The following PRDM8 variants were observed in gnomAD, a reference collection of about 807,000 sequenced individuals.
The protein encoded by PRDM8 is PR/SET domain 8, also known as PR domain zinc finger protein 8.
A neutral mutation model predicts 46.5 loss-of-function variants in PRDM8; 13 were observed. That is an observed-to-expected ratio of 0.28 (90% CI 0.18 to 0.44). The LOEUF is 0.44. Among genes scored for constraint, PRDM8 ranks in the 20% least tolerant of loss-of-function variants. The pLI is 1.00. For missense variants in PRDM8, 998 were observed against 955.0 expected, an observed-to-expected ratio of 1.04 and a Z score of -0.59; for synonymous variants, 473 against 438.4, an observed-to-expected ratio of 1.08 and a Z score of -0.98.
upstream of PRDM8, among the ~76,000 whole-genome samples, chr4:80,193,764 C>A (rs1737726642): frequency 6.6e-6 from 1 of 152,176 alleles, no homozygotes; most frequent in South Asian, 2.1e-4. Context: ...GCTCCATTGG[C>A]ATCCTCTTAT....
chr4:80,192,186 C>T (rs181505561), intron 2 of PRDM8, among the ~76,000 whole-genome samples: 7 of 152,192 alleles, frequency 4.6e-5, no homozygotes, highest in East Asian at 1.9e-4. Context: ...CCCAGCAGCC[C>T]GAATTCTTAC....
Position 80,203,135 on chromosome 4 carries a change from G to A in PRDM8, c.1673G>A (p.Gly558Asp). 6.4e-7 allele frequency: 1 copy of A among 1,560,244 alleles called. No individual in the cohort carries two copies. The highest frequency in any genetic ancestry group is 8.6e-7 in the Non-Finnish European group (1 of 1,160,980). The change falls in exon 4 of 4, where the codon GGT (glycine) becomes GAT (aspartate). Residue 558 changes from glycine to aspartate, a missense_variant. By Grantham distance (94) the Gly-to-Asp change is moderately conservative. Coordinates refer to ENST00000415738, the MANE Select transcript of PRDM8 (RefSeq NM_001099403.2). ...KLQGAADLNG[G>D]CGSLPSGGGG... ...CAGGGGGCCGCGGACCTGAACGGAG[G>A]TTGCGGGTCCCTGCCGAGCGGCGGC...
chr4:80,187,332 T>C (rs2109861297), intron 1 of PRDM8, among the ~76,000 whole-genome samples: 1 of 151,538 alleles, frequency 6.6e-6, no homozygotes, highest in East Asian at 1.9e-4. Flanking sequence ...GGGTAAAATA[T>C]TATTGTCCAT....
intron 1 of PRDM8, among the ~76,000 whole-genome samples, chr4:80,199,001 TTTTTTTTTTTTTTTTTTA>T (rs1738210293): frequency 8.9e-6 from 1 of 112,448 alleles, no homozygotes; most frequent in African/African-American, 4.2e-5. Context: ...TTTGTTTTTT[TTTTTTTTTTTTTTTTTTA>T]GTGATAAGTC....
chr4:80,197,612 C>A lies in PRDM8; in HGVS notation c.-154C>A. The A allele has an allele frequency of 1.0e-6, 1 of 974,248 alleles. No homozygotes were observed. The highest frequency in any genetic ancestry group is 1.2e-6 in the Non-Finnish European group (1 of 822,252). The allele number at this position is 974,248 out of a possible 1,614,324, so 60.4% of individuals were successfully genotyped here. A position where few individuals can be genotyped will look rare whatever the true frequency, so the allele number is the denominator to read the frequency against. The stretch of plus-strand genomic sequence containing the variant: ...TTTCTCCCCATCTCTCCATCTCTCT[C>A]TTATCTCTTCAGGAAGAGCCTAAAA... On this transcript the variant is annotated 5_prime_UTR_variant, in exon 1 of 4. Transcript: ENST00000415738.
At chr4:80,194,235 A>C (rs1183903326), upstream of PRDM8, 21 of 977,436 alleles carry the variant, frequency 2.1e-5, no homozygotes, top group Non-Finnish European at 1.8e-5. Flanking sequence ...CTAAAGTGGA[A>C]CAAGGTGAGC....
In PRDM8 at chr4:80,197,575, C is replaced by A. The variant is rs778245159; in HGVS notation, c.-191C>A. 432 of 976,372 alleles carry A rather than the reference C, an allele frequency of 4.4e-4. No individual in the cohort carries two copies. Among genetic ancestry groups the A allele is most frequent in the South Asian group, 1.7e-3 (35 of 21,090 alleles). The allele number at this position is 976,372 out of a possible 1,614,324, so 60.5% of individuals were successfully genotyped here. On this transcript the variant is annotated 5_prime_UTR_variant, in exon 1 of 4. Transcript: ENST00000415738. ...TCTCTCCCTCCCTCCCTCCCTCCAC[C>A]CCCCCAATCTTTTTCTCCCCATCTC...
chr4:80,197,764 G>A lies in PRDM8; in HGVS notation c.-3+1G>A. 1 of 985,300 alleles carries A rather than the reference G, an allele frequency of 1.0e-6. No individual in the cohort carries two copies. Among genetic ancestry groups the A allele is most frequent in the Non-Finnish European group, 1.2e-6 (1 of 829,476 alleles). 61.0% of individuals were successfully genotyped at this position (985,300 alleles called of 1,614,324 possible). A position where few individuals can be genotyped will look rare whatever the true frequency, so the allele number is the denominator to read the frequency against. On this transcript the variant is annotated splice_donor_variant, in intron 1 of 3. Transcript: ENST00000415738. LOFTEE classifies it low-confidence loss of function (5UTR_SPLICE). Reference sequence around the variant, plus strand: ...AGATTCTATACTGACCTTATTCCTGGTAAGTCTATTTGCATTGATGTGGGA... The same window carrying A: ...AGATTCTATACTGACCTTATTCCTGATAAGTCTATTTGCATTGATGTGGGA...
chr4:80,191,570 G>A lies in PRDM8; in HGVS notation c.-885+1G>A, dbSNP rs972570302. 6.6e-6 allele frequency: 1 copy of A among 152,180 alleles called. No individual in the cohort carries two copies. Among genetic ancestry groups the A allele is most frequent in the Non-Finnish European group, 1.5e-5 (1 of 68,022 alleles). The allele number at this position is 152,180 out of a possible 1,614,324, so 9.4% of individuals were successfully genotyped here. On this transcript the variant is annotated splice_donor_variant, in intron 2 of 9. Transcript: ENST00000339711. LOFTEE classifies it low-confidence loss of function (5UTR_SPLICE). The stretch of plus-strand genomic sequence containing the variant: ...CCTATTCTTGCCTCCACTTCATAAT[G>A]TAAGTCCAGAAGTGTTTATAGTAAT...
rs1427406999 is a variant in PRDM8, at chr4:80,202,969, C to A, written c.1507C>A (p.Gln503Lys). Residue 503 changes from glutamine to lysine, a missense_variant, in exon 4 of 4, where the codon CAG becomes AAG. Coordinates refer to ENST00000415738, the MANE Select transcript of PRDM8 (RefSeq NM_001099403.2). ...ASDERKSAFSQPARSFSQLSP... is the reference protein window; with the variant it reads ...ASDERKSAFSKPARSFSQLSP... ...GGACGAGCGCAAAAGCGCCTTCTCG[C>A]AGCCAGCACGCTCTTTCTCGCAGCT... 3 of 1,493,532 alleles carry A rather than the reference C, an allele frequency of 2.0e-6. No homozygotes were observed. The highest frequency in any genetic ancestry group is 2.8e-5 in the East Asian group (1 of 35,124). The allele number at this position is 1,493,532 out of a possible 1,614,324, so 92.5% of individuals were successfully genotyped here.
At chr4:80,197,396 G>A (rs563635185), upstream of PRDM8, 15 of 978,432 alleles carry the variant, frequency 1.5e-5, no homozygotes, top group Non-Finnish European at 1.7e-5. Context: ...CGGCGCCGGA[G>A]GGAGCGCCTG....
At chr4:80,196,823 G>T, upstream of PRDM8, 1 of 869,450 alleles carries the variant, frequency 1.2e-6, no homozygotes, top group Non-Finnish European at 1.4e-6. Flanking sequence ...CTCCGCCCAC[G>T]TACCCGTGTC....
chr4:80,196,747 A>C (rs554409987), upstream of PRDM8: 62 of 840,024 alleles, frequency 7.4e-5, no homozygotes, highest in South Asian at 2.3e-3. Flanking sequence ...AAAACAAACA[A>C]AAAAAAAACA....
chr4:80,197,542 T>C lies in PRDM8; in HGVS notation c.-224T>C, dbSNP rs1289073031. ...GTCCATCTGTACAACTCTCTCCGTT[T>C]CTCCGTCTCTCTCCCTCCCTCCCTC... On this transcript the variant is annotated 5_prime_UTR_variant, in exon 1 of 4. Transcript: ENST00000415738. 2.0e-6 allele frequency: 2 copies of C among 985,404 alleles called. No individual in the cohort carries two copies. Among genetic ancestry groups the C allele is most frequent in the African/African-American group, 3.5e-5 (2 of 57,186 alleles). 61.0% of individuals were successfully genotyped at this position (985,404 alleles called of 1,614,324 possible). A position where few individuals can be genotyped will look rare whatever the true frequency, so the allele number is the denominator to read the frequency against.
At chr4:80,186,399 A>C (rs1395362796) in intron 1 of PRDM8, among the ~76,000 whole-genome samples, 2 of 126,648 alleles carry the variant, frequency 1.6e-5, no homozygotes, top group Non-Finnish European at 3.5e-5. Flanking sequence ...TAAGGGAGGA[A>C]GGAAGAGAAG....
chr4:80,199,074 C>T (rs1738227386), intron 1 of PRDM8, among the ~76,000 whole-genome samples: 1 of 129,108 alleles, frequency 7.7e-6, no homozygotes, highest in South Asian at 2.6e-4. Flanking sequence ...TTTATGACAC[C>T]TTAATAAAGG....
At position 80,204,000 on chromosome 4, in the gene PRDM8, A is replaced by G. The variant is rs1168837917; in HGVS notation, c.*468A>G. ...CAAAATTTATTTTAGATATAAAGTAAAGGAGGAGGGTGAGATGCTTTCTGC... is the reference window on the plus strand; with the variant it reads ...CAAAATTTATTTTAGATATAAAGTAGAGGAGGAGGGTGAGATGCTTTCTGC... On this transcript the variant is annotated 3_prime_UTR_variant, in exon 4 of 4. Transcript: ENST00000415738. 1 of 153,076 alleles carries G rather than the reference A, an allele frequency of 6.5e-6. No homozygotes were observed. Among genetic ancestry groups the G allele is most frequent in the Non-Finnish European group, 1.5e-5 (1 of 68,342 alleles). 9.5% of individuals were successfully genotyped at this position (153,076 alleles called of 1,614,324 possible).
chr4:80,201,860 G>C (rs770118482), intron 3 of PRDM8, 54 bp from the exon 4 acceptor site: 6 of 869,626 alleles, frequency 6.9e-6, no homozygotes, highest in African/African-American at 3.5e-5. Context: ...TGTGGTGTGC[G>C]TGTGTGTGTG....
At chr4:80,186,020 A>AG (rs1737047474) in intron 1 of PRDM8, among the ~76,000 whole-genome samples, 1 of 152,188 alleles carries the variant, frequency 6.6e-6, no homozygotes, top group Admixed American at 6.5e-5. Flanking sequence ...GAAGGCGTTA[A>AG]GGAAAAGGCG....
Sources: allele counts gnomAD v4.1 joint callset (sites outside exome capture counted in the v4.1 genomes callset), GRCh38; gene constraint gnomAD v4.1.1; transcripts MANE v1.5; gene names NCBI Gene and HGNC (gene_info 2026-07-23, HGNC 2026-07-21).